The following GUCY1A1 variants were observed in gnomAD, a reference collection of about 807,000 sequenced individuals.
GUCY1A1 encodes the protein guanylate cyclase soluble subunit alpha-1.
In GUCY1A1, 48 loss-of-function variants were observed where a neutral mutation model predicts 64.5. That is an observed-to-expected ratio of 0.74 (90% confidence interval 0.59 to 0.95). The LOEUF (loss-of-function observed/expected upper bound fraction) is 0.95, where lower values mean the gene tolerates loss of function less well. Among genes scored for constraint, GUCY1A1 ranks in the 40% least tolerant of loss-of-function variants. GUCY1A1 has a pLI of 0.00. For missense variants in GUCY1A1, 804 were observed against 825.3 expected (o/e 0.97, Z 0.32); for synonymous variants, 308 against 303.4 (o/e 1.02, Z -0.16).
Position 155,713,704 on chromosome 4 carries a change from A to G in GUCY1A1, c.1572+121A>G, listed in dbSNP as rs951801102. The G allele has an allele frequency of 2.1e-5, 21 of 998,936 alleles. No individual in the cohort carries two copies. In the African/African-American group the frequency reaches 2.9e-4, roughly 14 times the overall value. The allele number at this position is 998,936 out of a possible 1,614,324, so 61.9% of individuals were successfully genotyped here. A position where few individuals can be genotyped will look rare whatever the true frequency, so the allele number is the denominator to read the frequency against. On this transcript the variant is annotated intron_variant, in intron 7 of 9. Coordinates refer to ENST00000506455, the MANE Select transcript of GUCY1A1 (RefSeq NM_001130682.3). ...CACCTCTGTAGGGTCTTGCAAGCCC[A>G]GTCCTGGGAGCAGGTATGGTGCATT...
In GUCY1A1 at chr4:155,717,219, C is replaced by T; in HGVS notation, c.1633C>T (p.His545Tyr). The change falls in exon 8 of 10, where the codon CAT (histidine) becomes TAT (tyrosine). Residue 545 changes from histidine (H) to tyrosine (Y), a missense_variant. Physicochemically the swap from His to Tyr is moderately conservative, Grantham distance 83 (BLOSUM62 2). Coordinates refer to ENST00000506455, the MANE Select transcript of GUCY1A1 (RefSeq NM_001130682.3). ...GGGATTACACAAAGAGAGTGATACT[C>T]ATGCTGTTCAGATAGCGCTGATGGC... Reference protein sequence around the residue: ...AGGLHKESDTHAVQIALMALK... With the variant: ...AGGLHKESDTYAVQIALMALK... 2 of 1,593,164 alleles carry T rather than the reference C, an allele frequency of 1.3e-6. No homozygotes were observed. The highest frequency in any genetic ancestry group is 2.3e-5 in the East Asian group (1 of 44,212).
chr4:155,694,488 T>G (rs1730171981), intron 2 of GUCY1A1, among the ~76,000 whole-genome samples: 2 of 152,194 alleles, frequency 1.3e-5, no homozygotes, highest in African/African-American at 4.8e-5. Flanking sequence ...GGAAATAACT[T>G]TGCTCCTATA....
intron 3 of GUCY1A1, among the ~76,000 whole-genome samples, chr4:155,702,104 G>C (rs2126783217): frequency 6.6e-6 from 1 of 152,198 alleles, no homozygotes; most frequent in Non-Finnish European, 1.5e-5. Context: ...GGAGGGGTAA[G>C]CAAAACCGAC....
chr4:155,685,529 C>A (rs1354309920), intron 2 of GUCY1A1, among the ~76,000 whole-genome samples: 1 of 151,980 alleles, frequency 6.6e-6, no homozygotes, highest in Non-Finnish European at 1.5e-5. Flanking sequence ...ACCCTCTCAG[C>A]CCTGCTCCAG....
In GUCY1A1 at chr4:155,704,375, T is replaced by C. The variant is rs1000631408; in HGVS notation, c.317+382T>C. Among the ~76,000 whole-genome samples the C allele has an allele frequency of 2.6e-5, 4 of 152,186 alleles. No homozygotes were observed. In the East Asian group the frequency reaches 7.7e-4, roughly 29 times the overall value. ...TCTAAAATATTTAACAACAGGTAAG[T>C]CATGGATCCCAAACAATCAAGACTT... is the stretch of plus-strand genomic sequence containing the variant. On this transcript the variant is annotated intron_variant, in intron 4 of 9. Coordinates refer to ENST00000506455, the MANE Select transcript of GUCY1A1 (RefSeq NM_001130682.3).
intron 4 of GUCY1A1, among the ~76,000 whole-genome samples, chr4:155,706,217 A>G (rs1157351402): frequency 6.6e-6 from 1 of 152,150 alleles, no homozygotes; most frequent in African/African-American, 2.4e-5. Flanking sequence ...ATACTTTTAA[A>G]TTTTCTTGAT....
intron 2 of GUCY1A1, among the ~76,000 whole-genome samples, chr4:155,683,965 C>T (rs1736184411): frequency 6.6e-6 from 1 of 152,152 alleles, no homozygotes; most frequent in Admixed American, 6.6e-5. Context: ...CACCTATACA[C>T]CTCCTGAGCT....
Position 155,732,403 on chromosome 4 carries a change from A to T in GUCY1A1, c.*2172A>T, listed in dbSNP as rs41279331. The T allele has an allele frequency of 0.18, 27,108 of 152,946 alleles. 2,558 individuals are homozygous for T. Among genetic ancestry groups the T allele is most frequent in the South Asian group, 0.24 (1,172 of 4,802 alleles). The allele number at this position is 152,946 out of a possible 1,614,324, so 9.5% of individuals were successfully genotyped here. A position where few individuals can be genotyped will look rare whatever the true frequency, so the allele number is the denominator to read the frequency against. On this transcript the variant is annotated 3_prime_UTR_variant, in exon 10 of 10. Coordinates refer to ENST00000506455, the MANE Select transcript of GUCY1A1 (RefSeq NM_001130682.3). ...ATAGGTTCCCCAGACCAGCCTACAA[A>T]GGCCCATTAAATACAGAATAATTTG...
At chr4:155,711,513 T>A (rs1452749968) in intron 6 of GUCY1A1, 3 of 260,214 alleles carry the variant, frequency 1.2e-5, no homozygotes, top group Non-Finnish European at 2.2e-5. Flanking sequence ...TAATGAAATT[T>A]GATAAATGTT....
intron 3 of GUCY1A1, among the ~76,000 whole-genome samples, chr4:155,697,700 G>A (rs1730595936): frequency 6.6e-6 from 1 of 152,174 alleles, no homozygotes; most frequent in South Asian, 2.1e-4. Context: ...TTGGGTCGGA[G>A]TCATGAGCCT....
intron 2 of GUCY1A1, among the ~76,000 whole-genome samples, chr4:155,676,303 T>G (rs200862395): frequency 0.29 from 42,830 of 146,038 alleles, 6,744 homozygotes; most frequent in South Asian, 0.42. Flanking sequence ...AGAGCTGGTT[T>G]TTTTTTTTTT....
chr4:155,684,590 T>C (rs1728727766), intron 2 of GUCY1A1, among the ~76,000 whole-genome samples: 1 of 152,198 alleles, frequency 6.6e-6, no homozygotes, highest in Non-Finnish European at 1.5e-5. Flanking sequence ...AAACATCTGC[T>C]GAGTCTCCAG....
At chr4:155,714,966 G>A (rs1176117871) in intron 7 of GUCY1A1, among the ~76,000 whole-genome samples, 1 of 152,172 alleles carries the variant, frequency 6.6e-6, no homozygotes, top group Non-Finnish European at 1.5e-5. Flanking sequence ...CTTGCAAACT[G>A]CTGTAATTGC....
At chr4:155,702,147 G>C (rs574561084) in intron 3 of GUCY1A1, among the ~76,000 whole-genome samples, 58 of 152,274 alleles carry the variant, frequency 3.8e-4, no homozygotes, top group African/African-American at 1.3e-3. Flanking sequence ...CTGTTGTAAT[G>C]GAAGAGACAG....
intron 2 of GUCY1A1, among the ~76,000 whole-genome samples, chr4:155,675,296 T>C (rs1027259895): frequency 1.5e-4 from 23 of 151,582 alleles, no homozygotes; most frequent in Non-Finnish European, 2.5e-4. Flanking sequence ...AACTTTTAAA[T>C]TGTGTATTTG....
At position 155,708,261 on chromosome 4, in the gene GUCY1A1, GA is replaced by G; in HGVS notation, c.349del (p.Thr117GlnfsTer47). 2 of 1,554,258 alleles carry G rather than the reference GA, an allele frequency of 1.3e-6. No individual in the cohort carries two copies. The highest frequency in any genetic ancestry group is 1.8e-6 in the Non-Finnish European group (2 of 1,126,736). On this transcript the variant is annotated frameshift_variant, in exon 5 of 10. Coordinates refer to ENST00000506455, the MANE Select transcript of GUCY1A1 (RefSeq NM_001130682.3). LOFTEE classifies it high-confidence loss of function. ...SRKSLEREDF[E>X]KTIAEQAVAA... is the part of the protein sequence containing the mutation. ...GAAATCTTTGGAAAGAGAAGACTTT[GA>G]AAAAACAATTGCAGAGCAAGCAGTT...
At chr4:155,668,736 A>C (rs78096988) in intron 2 of GUCY1A1, among the ~76,000 whole-genome samples, 14,378 of 152,234 alleles carry the variant, frequency 0.094, 889 homozygotes, top group South Asian at 0.22. Flanking sequence ...GGTAAAAAGT[A>C]AACTCGTTAT....
rs1466789738 is a variant in GUCY1A1 at position 155,736,190 on chromosome 4, A to G, written c.*5959A>G. 6.6e-6 allele frequency: 1 copy of G among 151,954 alleles called. No homozygotes were observed. Among genetic ancestry groups the G allele is most frequent in the Admixed American group, 6.6e-5 (1 of 15,232 alleles). 9.4% of individuals were successfully genotyped at this position (151,954 alleles called of 1,614,324 possible). On this transcript the variant is annotated 3_prime_UTR_variant, in exon 10 of 10. Transcript: ENST00000506455. The stretch of plus-strand genomic sequence containing the variant: ...CTGATACATGCTGCTCTCAATCCAT[A>G]TACTACATATTAGGACAGCTTTTCT...
At chr4:155,684,532 T>C (rs1333019765) in intron 2 of GUCY1A1, among the ~76,000 whole-genome samples, 1 of 152,158 alleles carries the variant, frequency 6.6e-6, no homozygotes, top group Non-Finnish European at 1.5e-5. Context: ...TGACTACCCA[T>C]CAATTACTAA....
Sources: gnomAD v4.1 joint callset for allele counts (sites outside exome capture counted in the v4.1 genomes callset) on GRCh38, gnomAD v4.1.1 for gene constraint, MANE v1.5 for transcripts, NCBI Gene and HGNC (gene_info 2026-07-23, HGNC 2026-07-21) for gene names.